PEAK1: variants seen among roughly 807,000 people sequenced by gnomAD.
The protein encoded by PEAK1 is pseudopodium enriched atypical kinase 1.
A neutral mutation model predicts 124.7 loss-of-function variants in PEAK1; 54 were observed. That is an observed-to-expected ratio of 0.43 (90% confidence interval 0.35 to 0.54). The LOEUF (loss-of-function observed/expected upper bound fraction) is 0.54. PEAK1 is among the 20% of genes least tolerant of loss of function. PEAK1 has a pLI of 0.01. For missense variants in PEAK1, 2,046 were observed against 2,134.5 expected, an observed-to-expected ratio of 0.96 and a Z score of 0.82; for synonymous variants, 719 against 760.0, an observed-to-expected ratio of 0.95 and a Z score of 0.89.
chr15:77,128,908 G>A (rs2052608575), intron 9 of PEAK1, among the ~76,000 whole-genome samples: 1 of 152,192 alleles, frequency 6.6e-6, no homozygotes, highest in South Asian at 2.1e-4. Flanking sequence ...TGTTTTGCAT[G>A]CTATAAGGAC....
rs575516413 is a variant in PEAK1 at position 77,175,946 on chromosome 15, C to T, written c.3137+2844G>A. On this transcript the variant is annotated intron_variant, in intron 7 of 9. Coordinates refer to ENST00000682557, the MANE Select transcript of PEAK1 (RefSeq NM_001385026.1). ...CCATAAAAAATGATGAGTTCATGTCCTTTGTAGGGACATGGATGAAATTGG... is the reference window on the plus strand; with the variant it reads ...CCATAAAAAATGATGAGTTCATGTCTTTTGTAGGGACATGGATGAAATTGG... Among the ~76,000 whole-genome samples the T allele has an allele frequency of 2.4e-3, 362 of 152,254 alleles. 2 individuals are homozygous for T. The highest frequency in any genetic ancestry group is 8.4e-3 in the African/African-American group (350 of 41,534).
intron 1 of PEAK1, chr15:77,401,901 G>C: frequency 1.0e-6 from 1 of 985,196 alleles, no homozygotes; most frequent in Non-Finnish European, 1.2e-6. Flanking sequence ...GAAGTAGCAA[G>C]ACTAAAGAAA....
At chr15:77,119,823 T>G (rs1596249985) in intron 9 of PEAK1, among the ~76,000 whole-genome samples, 2 of 152,372 alleles carry the variant, frequency 1.3e-5, no homozygotes, top group East Asian at 3.9e-4. Context: ...AAAGCATTTA[T>G]GTTTGTAATA....
chr15:77,217,103 C>G (rs1162651791), intron 6 of PEAK1, among the ~76,000 whole-genome samples: 1 of 151,634 alleles, frequency 6.6e-6, no homozygotes, highest in East Asian at 1.9e-4. Context: ...GTGGCATGCA[C>G]CTGCAGTCTT....
rs1194685573 is a variant in PEAK1 at position 77,110,514 on chromosome 15, CTTA to C, written c.*3639_*3641del. 2.0e-5 allele frequency: 3 copies of C among 152,156 alleles called. No homozygotes were observed. Among genetic ancestry groups the C allele is most frequent in the Non-Finnish European group, 4.4e-5 (3 of 68,026 alleles). The allele number at this position is 152,156 out of a possible 1,614,324, so 9.4% of individuals were successfully genotyped here. A position where few individuals can be genotyped will look rare whatever the true frequency, so the allele number is the denominator to read the frequency against. ...GCTTAGACTTTCCCATGTTTACAAACTTATTCTGAGTTTGGAAGCAAAAGTGAC... is the reference window on the plus strand; with the variant it reads ...GCTTAGACTTTCCCATGTTTACAAACTTCTGAGTTTGGAAGCAAAAGTGAC... On this transcript the variant is annotated 3_prime_UTR_variant, in exon 10 of 10. Coordinates refer to ENST00000682557, the MANE Select transcript of PEAK1 (RefSeq NM_001385026.1).
intron 5 of PEAK1, among the ~76,000 whole-genome samples, chr15:77,282,038 A>G (rs2062699942): frequency 6.6e-6 from 1 of 152,196 alleles, no homozygotes; most frequent in Non-Finnish European, 1.5e-5. Context: ...AAAAGAAAAA[A>G]CCAATCAATA....
chr15:77,348,042 C>A (rs2066975602), intron 2 of PEAK1: 1 of 985,200 alleles, frequency 1.0e-6, no homozygotes, highest in Non-Finnish European at 1.2e-6. Context: ...ACATGGCTAT[C>A]AAATATATGC....
Position 77,112,701 on chromosome 15 carries a change from ACAC to A in PEAK1, c.*1452_*1454del, listed in dbSNP as rs1307200072. 7.2e-5 allele frequency: 9 copies of A among 125,262 alleles called. No homozygotes were observed. Among genetic ancestry groups the A allele is most frequent in the Non-Finnish European group, 1.1e-4 (6 of 54,468 alleles). 7.8% of individuals were successfully genotyped at this position (125,262 alleles called of 1,614,324 possible). A position where few individuals can be genotyped will look rare whatever the true frequency, so the allele number is the denominator to read the frequency against. On this transcript the variant is annotated 3_prime_UTR_variant, in exon 10 of 10. Coordinates refer to ENST00000682557, the MANE Select transcript of PEAK1 (RefSeq NM_001385026.1). ...CACACACACACACACACACACACAC[ACAC>A]AACCCCAGTGGAAGGAACGCTCATC...
intron 7 of PEAK1, among the ~76,000 whole-genome samples, chr15:77,175,119 T>G (rs1289036957): frequency 6.6e-6 from 1 of 152,006 alleles, no homozygotes; most frequent in Non-Finnish European, 1.5e-5. Context: ...GATTAAAGAC[T>G]TAAACGTTAG....
At position 77,388,968 on chromosome 15, in the gene PEAK1, T is replaced by A. The variant is rs528748571; in HGVS notation, c.-665-23743A>T. 1.3e-3 allele frequency among the ~76,000 whole-genome samples: 194 copies of A among 150,764 alleles called. 1 individual carries two copies. Among genetic ancestry groups the A allele is most frequent in the African/African-American group, 4.5e-3 (187 of 41,172 alleles). On this transcript the variant is annotated intron_variant, in intron 1 of 9. Coordinates refer to ENST00000682557, the MANE Select transcript of PEAK1 (RefSeq NM_001385026.1). ...TCTACCTTCTTTTGCTTATTTTTTT[T>A]TTTTTTTTTTTGGAGATAGGGTCTT...
intron 1 of PEAK1, among the ~76,000 whole-genome samples, chr15:77,408,080 TACACATATATACAC>T (rs1270583662): frequency 1.4e-5 from 2 of 141,408 alleles, no homozygotes; most frequent in African/African-American, 2.5e-5. Context: ...TATACATATA[TACACATATATACAC>T]ACACATATAT....
At chr15:77,392,190 T>C (rs1315022448) in intron 1 of PEAK1, among the ~76,000 whole-genome samples, 1 of 152,118 alleles carries the variant, frequency 6.6e-6, no homozygotes, top group African/African-American at 2.4e-5. Context: ...TTCGCAAAAC[T>C]GAACTAAAAA....
chr15:77,417,345 C>T (rs2072959665), intron 1 of PEAK1: 20 of 983,238 alleles, frequency 2.0e-5, no homozygotes, highest in Non-Finnish European at 2.4e-5. Flanking sequence ...CTGAAGGTTA[C>T]TAGGATTTCT....
intron 1 of PEAK1, chr15:77,402,949 G>C (rs1441316701): frequency 1.4e-5 from 14 of 985,246 alleles, no homozygotes; most frequent in African/African-American, 1.7e-5. Context: ...TTTTCATGAA[G>C]ATCACTTTGA....
At chr15:77,327,980 C>T (rs2065679816) in intron 2 of PEAK1, among the ~76,000 whole-genome samples, 1 of 152,112 alleles carries the variant, frequency 6.6e-6, no homozygotes, top group Non-Finnish European at 1.5e-5. Flanking sequence ...TCCAATATCA[C>T]AAATAATAGC....
chr15:77,396,193 G>C (rs2141969281), intron 1 of PEAK1, among the ~76,000 whole-genome samples: 1 of 151,988 alleles, frequency 6.6e-6, no homozygotes, highest in Middle Eastern at 3.4e-3. Flanking sequence ...TCTATAGATA[G>C]GTAGGTAGAT....
chr15:77,399,281 T>C (rs887811434), intron 1 of PEAK1, among the ~76,000 whole-genome samples: 1 of 152,096 alleles, frequency 6.6e-6, no homozygotes, highest in African/African-American at 2.4e-5. Context: ...TCTATCAATA[T>C]ACCAATGACA....
intron 6 of PEAK1, among the ~76,000 whole-genome samples, chr15:77,205,261 C>A (rs1260528241): frequency 2.2e-5 from 3 of 137,924 alleles, no homozygotes; most frequent in South Asian, 2.3e-4. Flanking sequence ...TTTTTAAGAT[C>A]AAATGCCTTT....
chr15:77,352,358 C>A (rs1463382532), intron 2 of PEAK1: 5 of 985,252 alleles, frequency 5.1e-6, no homozygotes, highest in Admixed American at 6.2e-5. Context: ...TTTCTATCTA[C>A]CTGAAACCCC....
Sources: allele counts gnomAD v4.1 joint callset (sites outside exome capture counted in the v4.1 genomes callset), GRCh38; gene constraint gnomAD v4.1.1; transcripts MANE v1.5; gene names NCBI Gene and HGNC (gene_info 2026-07-23, HGNC 2026-07-21).